Variants in ADCY2 observed in about 807,000 individuals in gnomAD.
ADCY2 encodes the protein adenylate cyclase 2.
A neutral mutation model predicts 125.2 loss-of-function variants in ADCY2; 31 were observed. The ratio of observed to expected loss-of-function variants is 0.25; its 90% CI spans 0.19 to 0.33. The LOEUF (loss-of-function observed/expected upper bound fraction) is 0.33, where lower values mean the gene tolerates loss of function less well. Ranked by LOEUF, ADCY2 falls within the 10% of genes least tolerant of loss-of-function variation. The pLI, the probability that ADCY2 is intolerant of heterozygous loss-of-function variation, is 1.00. For missense variants in ADCY2, 904 were observed against 1,418.2 expected, an observed-to-expected ratio of 0.64 and a Z score of 5.82; for synonymous variants, 512 against 548.4, an observed-to-expected ratio of 0.93 and a Z score of 0.93.
chr5:7,775,175 T>TGTGTG (rs1743680201), intron 18 of ADCY2, among the ~76,000 whole-genome samples: 1 of 146,154 alleles, frequency 6.8e-6, no homozygotes, highest in African/African-American at 2.5e-5. Context: ...CCCAGCTACT[T>TGTGTG]TGTGTGTGTG....
At chr5:7,767,702 TTTC>T (rs201938588) in intron 17 of ADCY2, among the ~76,000 whole-genome samples, 2,817 of 152,244 alleles carry the variant, frequency 0.019, 94 homozygotes, top group African/African-American at 0.064. Context: ...CATCATTTAA[TTTC>T]TTGGGAAGCT....
chr5:7,701,971 G>A (rs1741091771), intron 7 of ADCY2, among the ~76,000 whole-genome samples: 1 of 152,184 alleles, frequency 6.6e-6, no homozygotes, highest in Non-Finnish European at 1.5e-5. Flanking sequence ...AATTCTTGCT[G>A]ATCCCTCAAC....
At chr5:7,693,797 C>T (rs1037758991) in intron 5 of ADCY2, among the ~76,000 whole-genome samples, 2 of 152,232 alleles carry the variant, frequency 1.3e-5, no homozygotes, top group African/African-American at 4.8e-5. Context: ...GGCAGCCTAT[C>T]TCAGAGCTGC....
chr5:7,573,732 C>CT (rs540928699), intron 3 of ADCY2, among the ~76,000 whole-genome samples: 17 of 149,038 alleles, frequency 1.1e-4, no homozygotes, highest in African/African-American at 2.5e-4. Flanking sequence ...CTTTTAAACT[C>CT]TTTTTTTTGT....
intron 2 of ADCY2, among the ~76,000 whole-genome samples, chr5:7,517,015 A>G (rs536984618): frequency 6.6e-6 from 1 of 152,244 alleles, no homozygotes; most frequent in South Asian, 2.1e-4. Context: ...TTATGGGCAG[A>G]CTTGAGTTAT....
chr5:7,598,766 C>T (rs530861694), intron 3 of ADCY2, among the ~76,000 whole-genome samples: 9 of 152,268 alleles, frequency 5.9e-5, no homozygotes, highest in Non-Finnish European at 1.2e-4. Context: ...ATGTGTGACA[C>T]CTCCCGAAAG....
chr5:7,809,472 G>A (rs563358965), intron 22 of ADCY2, among the ~76,000 whole-genome samples: 1 of 152,342 alleles, frequency 6.6e-6, no homozygotes, highest in Admixed American at 6.5e-5. Flanking sequence ...CCCAAAATGG[G>A]CTTAAGCCTT....
intron 2 of ADCY2, among the ~76,000 whole-genome samples, chr5:7,459,772 A>ATTTTTTTTTTTTTTTTTTTTTTT (rs3033085): frequency 2.7e-5 from 2 of 72,818 alleles, no homozygotes; most frequent in African/African-American, 1.2e-4. Context: ...TTAAGAGGTA[A>ATTTTTTTTTTTTTTTTTTTTTTT]TTTTTTTTTT....
intron 1 of ADCY2, among the ~76,000 whole-genome samples, chr5:7,414,303 T>G (rs1420699904): frequency 1.3e-5 from 2 of 152,206 alleles, no homozygotes; most frequent in African/African-American, 4.8e-5. Flanking sequence ...TAAAATCCAT[T>G]TCTGCATTTA....
chr5:7,688,960 T>G (rs1256743851), intron 4 of ADCY2, among the ~76,000 whole-genome samples: 1 of 152,088 alleles, frequency 6.6e-6, no homozygotes, highest in Non-Finnish European at 1.5e-5. Flanking sequence ...AGTGGCAAGT[T>G]TATGCGTTTT....
chr5:7,663,932 C>T (rs1579291802), intron 4 of ADCY2, among the ~76,000 whole-genome samples: 2 of 152,198 alleles, frequency 1.3e-5, no homozygotes, highest in African/African-American at 4.8e-5. Flanking sequence ...TCTGAAGCAA[C>T]TGAAGAAGTT....
chr5:7,413,434 C>G (rs1054870530), intron 1 of ADCY2, among the ~76,000 whole-genome samples: 4 of 151,956 alleles, frequency 2.6e-5, no homozygotes, highest in African/African-American at 9.7e-5. Context: ...GCTGGGACCA[C>G]AGGCGCCTGC....
chr5:7,743,646 G>T (rs758539601), intron 14 of ADCY2, 22 bp from the exon 15 acceptor site: 1 of 1,609,798 alleles, frequency 6.2e-7, no homozygotes. Context: ...ACCCTGACTT[G>T]CTGCTTTTTG....
At chr5:7,597,048 T>G (rs1214297106) in intron 3 of ADCY2, among the ~76,000 whole-genome samples, 1 of 152,234 alleles carries the variant, frequency 6.6e-6, no homozygotes, top group Non-Finnish European at 1.5e-5. Flanking sequence ...CCCAAAAGAT[T>G]TGTCTCAGGT....
At chr5:7,659,697 G>T (rs962198753) in intron 4 of ADCY2, among the ~76,000 whole-genome samples, 1 of 152,178 alleles carries the variant, frequency 6.6e-6, no homozygotes, top group Non-Finnish European at 1.5e-5. Context: ...CAACTTACAA[G>T]AAACAGTTTC....
At chr5:7,445,351 A>G (rs564180096) in intron 2 of ADCY2, among the ~76,000 whole-genome samples, 24 of 152,132 alleles carry the variant, frequency 1.6e-4, no homozygotes, top group Non-Finnish European at 2.8e-4. Flanking sequence ...CCTGTGCTTC[A>G]TCTCCACTTG....
chr5:7,743,098 A>G (rs1742488465), intron 14 of ADCY2, among the ~76,000 whole-genome samples: 1 of 152,192 alleles, frequency 6.6e-6, no homozygotes, highest in South Asian at 2.1e-4. Context: ...TTTTCACATG[A>G]TCATGGGATG....
intron 3 of ADCY2, among the ~76,000 whole-genome samples, chr5:7,559,174 A>G (rs1045490419): frequency 1.3e-5 from 2 of 152,108 alleles, no homozygotes; most frequent in African/African-American, 2.4e-5. Flanking sequence ...TTGGGGTTTA[A>G]TATGAATTTT....
At chr5:7,668,008 T>C (rs1369792089) in intron 4 of ADCY2, among the ~76,000 whole-genome samples, 1 of 152,200 alleles carries the variant, frequency 6.6e-6, no homozygotes. Flanking sequence ...GTATGATCCC[T>C]CTAGATTTCA....
Sources: allele counts gnomAD v4.1 joint callset (sites outside exome capture counted in the v4.1 genomes callset), GRCh38; gene constraint gnomAD v4.1.1; transcripts MANE v1.5; gene names NCBI Gene and HGNC (gene_info 2026-07-23, HGNC 2026-07-21).